Variants in TMEM204 observed in about 807,000 individuals in gnomAD.
The protein encoded by TMEM204 is transmembrane protein 204.
In TMEM204, 15 loss-of-function variants were observed where a neutral mutation model predicts 19.4. That is an observed-to-expected ratio of 0.77 (90% confidence interval 0.52 to 1.19). The LOEUF (loss-of-function observed/expected upper bound fraction) is 1.19. Among genes scored for constraint, TMEM204 ranks in the 50% most tolerant of loss-of-function variants. The pLI is 0.00. For synonymous variants in TMEM204, 161 were observed against 146.0 expected (o/e 1.10, Z -0.74); for missense variants, 287 against 321.2 (o/e 0.89, Z 0.81).
At chr16:1,554,179 C>T (rs973544773) in intron 2 of TMEM204, 40 of 1,252,148 alleles carry the variant, frequency 3.2e-5, no homozygotes, top group Middle Eastern at 6.8e-4. Context: ...GCCCCATCTC[C>T]GCCCTGCCTG....
At position 1,534,383 on chromosome 16, in the gene TMEM204, G is replaced by C. The variant is rs887583389; in HGVS notation, c.108G>C (p.Glu36Asp). The C allele has an allele frequency of 6.2e-7, 1 of 1,612,860 alleles. No homozygotes were observed. Among genetic ancestry groups the C allele is most frequent in the Non-Finnish European group, 8.5e-7 (1 of 1,179,894 alleles). Reference protein sequence around the residue: ...FTSNWVCQTLEDGRRRSVGLW... With the variant: ...FTSNWVCQTLDDGRRRSVGLW... ...CCAACTGGGTGTGCCAGACGCTGGA[G>C]GATGGGCGCAGGCGCAGCGTGGGGC... Residue 36 changes from glutamate to aspartate, a missense_variant, in exon 1 of 3, where the codon GAG becomes GAC. By Grantham distance (45) the Glu-to-Asp change is conservative. Transcript: ENST00000566264.
chr16:1,534,299 C>T lies in TMEM204; in HGVS notation c.24C>T (p.Ala8=), dbSNP rs773180485. The change falls in exon 1 of 3, where the codon GCC becomes GCT. Residue 8 remains alanine, a synonymous_variant. Transcript: ENST00000566264. Reference sequence around the variant, plus strand: ...CGATGACCGTGCAGAGACTCGTGGCCGCGGCCGTGCTGGTGGCCCTGGTCT... The same window carrying T: ...CGATGACCGTGCAGAGACTCGTGGCTGCGGCCGTGCTGGTGGCCCTGGTCT... The part of the protein sequence containing the change: MTVQRLV[A]AAVLVALVSL... The T allele has an allele frequency of 7.4e-6, 12 of 1,612,426 alleles. No individual in the cohort carries two copies. Among genetic ancestry groups the T allele is most frequent in the East Asian group, 2.2e-5 (1 of 44,876 alleles).
At chr16:1,537,097 T>C (rs1476758865) in intron 1 of TMEM204, among the ~76,000 whole-genome samples, 1 of 152,224 alleles carries the variant, frequency 6.6e-6, no homozygotes, top group Non-Finnish European at 1.5e-5. Context: ...GCACGTATGA[T>C]GGGCTGCGAC....
rs146176415 is a variant in TMEM204, at chr16:1,543,322, A to G, written c.436+1246A>G. Reference sequence around the variant, plus strand: ...TCCTGGGCCCTTATCTTTCTTAAGAAATACAATTTCCAGAAGGAGGCTGAC... The same window carrying G: ...TCCTGGGCCCTTATCTTTCTTAAGAGATACAATTTCCAGAAGGAGGCTGAC... On this transcript the variant is annotated intron_variant, in intron 2 of 2. Coordinates refer to ENST00000566264, the MANE Select transcript of TMEM204 (RefSeq NM_024600.6). 2.5e-3 allele frequency among the ~76,000 whole-genome samples: 387 copies of G among 152,358 alleles called. 3 individuals are homozygous for G. Among genetic ancestry groups the G allele is most frequent in the Non-Finnish European group, 4.6e-3 (316 of 68,032 alleles).
chr16:1,542,574 G>T (rs377734851), intron 2 of TMEM204, among the ~76,000 whole-genome samples: 2 of 152,228 alleles, frequency 1.3e-5, no homozygotes, highest in Non-Finnish European at 2.9e-5. Context: ...TGTTATAAAC[G>T]CAGCTTCCTA....
In TMEM204 at chr16:1,554,868, G is replaced by A. The variant is rs1295007332; in HGVS notation, c.523G>A (p.Ala175Thr). Residue 175 changes from alanine (A) to threonine (T), a missense_variant, in exon 3 of 3, where the codon GCC becomes ACC. Ala to Thr is a moderately conservative substitution (Grantham distance 58). Coordinates refer to ENST00000566264, the MANE Select transcript of TMEM204 (RefSeq NM_024600.6). ...LSWSCYLNIGACLLATLAAAM... is the reference protein window; with the variant it reads ...LSWSCYLNIGTCLLATLAAAM... ...CTGGTCCTGCTACCTGAACATTGGCGCCTGCCTTCTGGCCACGCTGGCGGC... is the reference window on the plus strand; with the variant it reads ...CTGGTCCTGCTACCTGAACATTGGCACCTGCCTTCTGGCCACGCTGGCGGC... 2 of 1,614,168 alleles carry A rather than the reference G, an allele frequency of 1.2e-6. No individual in the cohort carries two copies. Among genetic ancestry groups the A allele is most frequent in the East Asian group, 2.2e-5 (1 of 44,882 alleles).
At position 1,551,062 on chromosome 16, in the gene TMEM204, G is replaced by T. The variant is rs528174084; in HGVS notation, c.437-3720G>T. On this transcript the variant is annotated intron_variant, in intron 2 of 2. Coordinates refer to ENST00000566264, the MANE Select transcript of TMEM204 (RefSeq NM_024600.6). The surrounding 1 kb of genome is among the most constrained non-coding windows in gnomAD (Gnocchi z 4.0). ...GGGTCCTGGTCACTCAACTGCCAAG[G>T]CTGCTGTTCCTCCTCGCCTTTCCCG... Among the ~76,000 whole-genome samples, 42 of 152,320 alleles carry T rather than the reference G, an allele frequency of 2.8e-4. No homozygotes were observed. Among genetic ancestry groups the T allele is most frequent in the South Asian group, 8.3e-4 (4 of 4,826 alleles).
At chr16:1,548,238 T>C (rs567882023) in intron 2 of TMEM204, among the ~76,000 whole-genome samples, 2 of 152,248 alleles carry the variant, frequency 1.3e-5, no homozygotes, top group Non-Finnish European at 2.9e-5. Flanking sequence ...TTAGAGCCAG[T>C]TGCACCCAGT....
At chr16:1,544,847 A>T (rs1216739089) in intron 2 of TMEM204, among the ~76,000 whole-genome samples, 2 of 150,874 alleles carry the variant, frequency 1.3e-5, no homozygotes, top group African/African-American at 2.4e-5. Context: ...ACGGGGTTTC[A>T]CCGTGTTAGC....
intron 1 of TMEM204, among the ~76,000 whole-genome samples, chr16:1,535,297 C>T (rs1240431011): frequency 2.0e-5 from 3 of 152,048 alleles, no homozygotes; most frequent in East Asian, 1.9e-4. Context: ...ATGATGCCAC[C>T]GCACCGTGGG....
chr16:1,550,193 G>A (rs555013856), intron 2 of TMEM204, among the ~76,000 whole-genome samples: 1 of 152,192 alleles, frequency 6.6e-6, no homozygotes, highest in Admixed American at 6.5e-5. Context: ...GTCCACCTTG[G>A]CCTTCCAAAG....
At chr16:1,543,110 C>T (rs537832123) in intron 2 of TMEM204, among the ~76,000 whole-genome samples, 22 of 152,306 alleles carry the variant, frequency 1.4e-4, no homozygotes, top group South Asian at 8.3e-4. Context: ...CAGGTCAGCC[C>T]GGTGCCCGCA....
chr16:1,542,106 G>A (rs371134643), intron 2 of TMEM204, 30 bp downstream of exon 2: 64 of 1,553,650 alleles, frequency 4.1e-5, no homozygotes, highest in East Asian at 2.4e-5. Context: ...TGGCCACCGC[G>A]CCCTTGCCCC....
rs575071940 is a variant in TMEM204, at chr16:1,555,326, G to A, written c.*300G>A. ...AGCTGAGACACAGGTTAGGTGGCGCGAGGCTGCCCTGCGCTCCGCTTTGCT... is the reference window on the plus strand; with the variant it reads ...AGCTGAGACACAGGTTAGGTGGCGCAAGGCTGCCCTGCGCTCCGCTTTGCT... On this transcript the variant is annotated 3_prime_UTR_variant, in exon 3 of 3. Coordinates refer to ENST00000566264, the MANE Select transcript of TMEM204 (RefSeq NM_024600.6). The A allele has an allele frequency of 4.8e-5, 19 of 395,088 alleles. 1 individual carries two copies. Among genetic ancestry groups the A allele is most frequent in the South Asian group, 4.7e-4 (14 of 29,982 alleles). 24.5% of individuals were successfully genotyped at this position (395,088 alleles called of 1,614,324 possible). A position where few individuals can be genotyped will look rare whatever the true frequency, so the allele number is the denominator to read the frequency against.
At chr16:1,548,684 C>T (rs1222607894) in intron 2 of TMEM204, among the ~76,000 whole-genome samples, 1 of 152,198 alleles carries the variant, frequency 6.6e-6, no homozygotes, top group Non-Finnish European at 1.5e-5. Context: ...GGGCCAGCCC[C>T]AGCCCTGTCT....
chr16:1,542,100 C>T, intron 2 of TMEM204, 24 bp downstream of exon 2: 2 of 1,569,980 alleles, frequency 1.3e-6, no homozygotes, highest in Non-Finnish European at 8.6e-7. Flanking sequence ...CGGGTGTGGC[C>T]ACCGCGCCCT....
intron 2 of TMEM204, among the ~76,000 whole-genome samples, chr16:1,542,553 G>C (rs1011511633): frequency 6.6e-6 from 1 of 152,218 alleles, no homozygotes; most frequent in Non-Finnish European, 1.5e-5. Flanking sequence ...GGAAGGCCAA[G>C]GCATGTGCTC....
At chr16:1,534,846 G>A (rs143833421) in intron 1 of TMEM204, among the ~76,000 whole-genome samples, 2,794 of 152,314 alleles carry the variant, frequency 0.018, 36 homozygotes, top group Non-Finnish European at 0.026. Context: ...CCTCTCTGCC[G>A]TTACACATAG....
chr16:1,543,554 A>G (rs950954991), intron 2 of TMEM204, among the ~76,000 whole-genome samples: 1 of 152,210 alleles, frequency 6.6e-6, no homozygotes, highest in African/African-American at 2.4e-5. Flanking sequence ...CTCCATCACC[A>G]TCGACGTGGG....
Sources: gnomAD v4.1 joint callset for allele counts (sites outside exome capture counted in the v4.1 genomes callset) on GRCh38, gnomAD v4.1.1 for gene constraint, Gnocchi (gnomAD v3.1) non-coding constraint, MANE v1.5 for transcripts, NCBI Gene and HGNC (gene_info 2026-07-23, HGNC 2026-07-21) for gene names.